Variants in COMMD10 observed in about 807,000 individuals in gnomAD.
COMMD10 encodes the protein COMM domain-containing protein 10.
A neutral mutation model predicts 28.9 loss-of-function variants in COMMD10; 33 were observed. The observed-to-expected ratio is 1.14, with a 90% CI of 0.87 to 1.53. The LOEUF (loss-of-function observed/expected upper bound fraction) is 1.53, where lower values mean the gene tolerates loss of function less well. Ranked by LOEUF, COMMD10 falls within the 40% of genes most tolerant of loss-of-function variation. The pLI is 0.00. For missense variants in COMMD10, 310 were observed against 233.4 expected (o/e 1.33, Z -2.14); for synonymous variants, 110 against 81.7 (o/e 1.35, Z -1.87).
intron 4 of COMMD10, among the ~76,000 whole-genome samples, chr5:116,104,787 T>C (rs546815742): frequency 2.0e-5 from 3 of 152,106 alleles, no homozygotes; most frequent in African/African-American, 7.2e-5. Context: ...GCCCAGCTAA[T>C]TTTTTGTATT....
chr5:116,277,782 A>G (rs770471909), intron 5 of COMMD10, among the ~76,000 whole-genome samples: 133 of 152,034 alleles, frequency 8.7e-4, no homozygotes, highest in Non-Finnish European at 1.6e-3. Flanking sequence ...ACGTGACAGC[A>G]CAAGATAGAG....
intron 5 of COMMD10, among the ~76,000 whole-genome samples, chr5:116,176,965 C>T (rs1468538862): frequency 3.3e-5 from 5 of 152,082 alleles, no homozygotes; most frequent in African/African-American, 4.8e-5. Flanking sequence ...AGTTAGAGTT[C>T]AGACCTTGTT....
At chr5:116,148,822 T>A (rs117889184) in intron 5 of COMMD10, among the ~76,000 whole-genome samples, 3,937 of 151,730 alleles carry the variant, frequency 0.026, 100 homozygotes, top group East Asian at 0.14. Context: ...ACATATATTA[T>A]GGGATTTGTA....
chr5:116,283,340 C>T (rs912163152), intron 5 of COMMD10, among the ~76,000 whole-genome samples: 2 of 150,862 alleles, frequency 1.3e-5, no homozygotes, highest in African/African-American at 4.9e-5. Flanking sequence ...CTAGCTATCA[C>T]AAAATAACAA....
chr5:116,199,905 T>G (rs1748620494), intron 5 of COMMD10, among the ~76,000 whole-genome samples: 1 of 152,128 alleles, frequency 6.6e-6, no homozygotes, highest in African/African-American at 2.4e-5. Flanking sequence ...AAAGGGTGAT[T>G]TCAAAGGGCA....
chr5:116,269,999 T>C (rs1454064548), intron 5 of COMMD10, among the ~76,000 whole-genome samples: 1 of 151,658 alleles, frequency 6.6e-6, no homozygotes, highest in Non-Finnish European at 1.5e-5. Flanking sequence ...TATTGTTATT[T>C]TCTGACTTTC....
chr5:116,238,622 A>T (rs979956031), intron 5 of COMMD10, among the ~76,000 whole-genome samples: 2 of 152,194 alleles, frequency 1.3e-5, no homozygotes, highest in Non-Finnish European at 1.5e-5. Flanking sequence ...AAATTAAAAA[A>T]TATGTAGGCT....
chr5:116,176,894 T>G (rs891141590), intron 5 of COMMD10, among the ~76,000 whole-genome samples: 2 of 152,096 alleles, frequency 1.3e-5, no homozygotes, highest in South Asian at 4.1e-4. Context: ...ACAAACATAC[T>G]AGGCCTGAAG....
chr5:116,157,323 A>G (rs1376244663), intron 5 of COMMD10, among the ~76,000 whole-genome samples: 1 of 152,220 alleles, frequency 6.6e-6, no homozygotes, highest in Admixed American at 6.5e-5. Context: ...GTTTAAAACA[A>G]TAACCATTTA....
intron 5 of COMMD10, among the ~76,000 whole-genome samples, chr5:116,195,516 G>A (rs909286389): frequency 2.0e-5 from 3 of 151,864 alleles, no homozygotes; most frequent in South Asian, 2.1e-4. Context: ...CACCAACAGC[G>A]ACCAAACAGA....
At chr5:116,287,423 G>A (rs370248445) in intron 5 of COMMD10, among the ~76,000 whole-genome samples, 14 of 151,560 alleles carry the variant, frequency 9.2e-5, no homozygotes, top group African/African-American at 1.5e-4. Flanking sequence ...CCATTTACAC[G>A]GGATATCTTT....
Position 116,092,599 on chromosome 5 carries a change from C to G in COMMD10, c.298C>G (p.His100Asp). 1 of 1,611,280 alleles carries G rather than the reference C, an allele frequency of 6.2e-7. No homozygotes were observed. Among genetic ancestry groups the G allele is most frequent in the Non-Finnish European group, 8.5e-7 (1 of 1,178,654 alleles). ...TTTGCAGCAGCAATTAGAGAACATTCATCTTAGACAAGACAAAGCTGAAGC... is the reference window on the plus strand; with the variant it reads ...TTTGCAGCAGCAATTAGAGAACATTGATCTTAGACAAGACAAAGCTGAAGC... ...AALQQQLENIHLRQDKAEAFV... is the reference protein window; with the variant it reads ...AALQQQLENIDLRQDKAEAFV... The change falls in exon 4 of 7, where the codon CAT becomes GAT. Residue 100 changes from histidine (H) to aspartate (D), a missense_variant. Transcript: ENST00000274458.
chr5:116,241,429 CTG>C, intron 5 of COMMD10, among the ~76,000 whole-genome samples: 1 of 152,076 alleles, frequency 6.6e-6, no homozygotes, highest in Non-Finnish European at 1.5e-5. Flanking sequence ...TCTGCATACT[CTG>C]TACCAAAGTA....
chr5:116,116,988 T>C (rs1751261590), intron 4 of COMMD10, among the ~76,000 whole-genome samples: 2 of 152,236 alleles, frequency 1.3e-5, no homozygotes, highest in African/African-American at 4.8e-5. Flanking sequence ...TTTTTATTTC[T>C]GTCACCACAG....
chr5:116,207,891 T>C (rs562002862), intron 5 of COMMD10, among the ~76,000 whole-genome samples: 8 of 152,332 alleles, frequency 5.3e-5, no homozygotes, highest in African/African-American at 1.9e-4. Flanking sequence ...TTGGCTGTTA[T>C]TTAATGAGAG....
intron 5 of COMMD10, among the ~76,000 whole-genome samples, chr5:116,163,836 A>G (rs1580507727): frequency 6.6e-6 from 1 of 152,236 alleles, no homozygotes; most frequent in African/African-American, 2.4e-5. Context: ...TTTAAATTGA[A>G]TGATGTTCAA....
intron 4 of COMMD10, among the ~76,000 whole-genome samples, chr5:116,114,604 G>A (rs12515280): frequency 0.31 from 46,432 of 152,058 alleles, 9,611 homozygotes; most frequent in African/African-American, 0.6. Context: ...GGCAAAGCTG[G>A]GTAAATCTGG....
intron 4 of COMMD10, among the ~76,000 whole-genome samples, chr5:116,124,063 T>A (rs1751532830): frequency 2.0e-5 from 3 of 152,168 alleles, no homozygotes; most frequent in Admixed American, 2.0e-4. Context: ...TCTGTCTCTG[T>A]CTCCTTCAGT....
At chr5:116,088,109 C>G (rs1580433484) in intron 2 of COMMD10, among the ~76,000 whole-genome samples, 1 of 152,102 alleles carries the variant, frequency 6.6e-6, no homozygotes, top group African/African-American at 2.4e-5. Context: ...TGGCCCAATC[C>G]AAGTTAATTT....
Sources: gnomAD v4.1 joint callset for allele counts (sites outside exome capture counted in the v4.1 genomes callset) on GRCh38, gnomAD v4.1.1 for gene constraint, MANE v1.5 for transcripts, NCBI Gene and HGNC (gene_info 2026-07-23, HGNC 2026-07-21) for gene names.